ASIC2: variants seen among roughly 807,000 people sequenced by gnomAD.
ASIC2 encodes acid sensing ion channel subunit 2, also known as acid-sensing ion channel 2.
Under a neutral mutation model 57.3 loss-of-function variants are expected in ASIC2, and 25 were observed. That is an observed-to-expected ratio of 0.44 (90% CI 0.32 to 0.61). The LOEUF is 0.61. Among genes scored for constraint, ASIC2 ranks in the 20% least tolerant of loss-of-function variants. ASIC2 has a pLI of 0.06. For missense variants in ASIC2, 641 were observed against 738.1 expected, an observed-to-expected ratio of 0.87 and a Z score of 1.52; for synonymous variants, 319 against 307.5, an observed-to-expected ratio of 1.04 and a Z score of -0.39.
At chr17:34,115,927 G>T (rs1404237451) in intron 1 of ASIC2, among the ~76,000 whole-genome samples, 1 of 152,160 alleles carries the variant, frequency 6.6e-6, no homozygotes, top group African/African-American at 2.4e-5. Flanking sequence ...TGGGGAGAAG[G>T]CTGATGGGAT....
At chr17:33,589,399 T>G (rs1904754783) in intron 1 of ASIC2, among the ~76,000 whole-genome samples, 1 of 152,208 alleles carries the variant, frequency 6.6e-6, no homozygotes, top group South Asian at 2.1e-4. Flanking sequence ...ACCATTCTTA[T>G]GTGTATCATT....
At chr17:33,636,713 C>T (rs908008280) in intron 1 of ASIC2, among the ~76,000 whole-genome samples, 7 of 152,184 alleles carry the variant, frequency 4.6e-5, no homozygotes, top group Non-Finnish European at 8.8e-5. Flanking sequence ...AAGTCTTTAT[C>T]TGGATATGCA....
chr17:33,305,813 C>T (rs1906148513), intron 1 of ASIC2, among the ~76,000 whole-genome samples: 1 of 152,174 alleles, frequency 6.6e-6, no homozygotes, highest in South Asian at 2.1e-4. Context: ...TTCTTGGACA[C>T]ATTGGCTATT....
At chr17:33,981,706 A>G (rs1407423662) in intron 1 of ASIC2, among the ~76,000 whole-genome samples, 1 of 151,964 alleles carries the variant, frequency 6.6e-6, no homozygotes, top group African/African-American at 2.4e-5. Context: ...GAGGGGGGGA[A>G]GATTAGCTAA....
chr17:34,100,960 T>C (rs890510837), intron 1 of ASIC2, among the ~76,000 whole-genome samples: 1 of 152,248 alleles, frequency 6.6e-6, no homozygotes, highest in Non-Finnish European at 1.5e-5. Context: ...TTAACTTCTT[T>C]GTCCCTCAGT....
At chr17:33,786,179 G>A (rs917056748) in intron 1 of ASIC2, among the ~76,000 whole-genome samples, 3 of 152,134 alleles carry the variant, frequency 2.0e-5, no homozygotes, top group Non-Finnish European at 4.4e-5. Context: ...AAACTTGTTT[G>A]ACTAACTGGC....
At chr17:33,690,089 A>AT (rs1157838108) in intron 1 of ASIC2, among the ~76,000 whole-genome samples, 2 of 152,144 alleles carry the variant, frequency 1.3e-5, no homozygotes, top group Non-Finnish European at 1.5e-5. Flanking sequence ...AGGTATATAT[A>AT]TTTTTTCCAC....
intron 1 of ASIC2, among the ~76,000 whole-genome samples, chr17:33,472,893 C>A (rs566100021): frequency 6.6e-6 from 1 of 152,240 alleles, no homozygotes; most frequent in African/African-American, 2.4e-5. Context: ...ATCCTGGCCT[C>A]AAAACTGTGG....
At chr17:33,371,071 GT>G (rs1909043415) in intron 1 of ASIC2, among the ~76,000 whole-genome samples, 2 of 152,154 alleles carry the variant, frequency 1.3e-5, no homozygotes, top group African/African-American at 4.8e-5. Flanking sequence ...TATCACAAGG[GT>G]TTGTGATAAA....
intron 1 of ASIC2, among the ~76,000 whole-genome samples, chr17:33,623,736 G>C (rs139740803): frequency 6.6e-6 from 1 of 152,154 alleles, no homozygotes; most frequent in African/African-American, 2.4e-5. Context: ...TTTTCATTCT[G>C]TTTGTAGTCA....
At chr17:33,970,696 C>T (rs1905203795) in intron 1 of ASIC2, among the ~76,000 whole-genome samples, 1 of 152,196 alleles carries the variant, frequency 6.6e-6, no homozygotes, top group Non-Finnish European at 1.5e-5. Flanking sequence ...GAGTTGTAAG[C>T]ACTCATTGAG....
intron 3 of ASIC2, among the ~76,000 whole-genome samples, chr17:33,037,564 T>C (rs1490961215): frequency 6.6e-6 from 1 of 151,872 alleles, no homozygotes; most frequent in African/African-American, 2.4e-5. Flanking sequence ...TGTCTGAAAG[T>C]GGGTTGGAGT....
intron 1 of ASIC2, among the ~76,000 whole-genome samples, chr17:33,602,515 C>G (rs1160106044): frequency 6.6e-6 from 1 of 152,176 alleles, no homozygotes; most frequent in Non-Finnish European, 1.5e-5. Context: ...CTTGGACTTT[C>G]CAGCTTCTGG....
upstream of ASIC2, among the ~76,000 whole-genome samples, chr17:33,293,975 G>A (rs1019984789): frequency 6.6e-6 from 1 of 152,026 alleles, no homozygotes. Flanking sequence ...GAGGCATTGC[G>A]AGCAGGGTAG....
chr17:33,837,596 G>C (rs1913310989), intron 1 of ASIC2, among the ~76,000 whole-genome samples: 1 of 152,074 alleles, frequency 6.6e-6, no homozygotes, highest in South Asian at 2.1e-4. Flanking sequence ...TCTCCTAAAT[G>C]CCTCTCTACT....
At chr17:33,514,920 C>T (rs959026372) in intron 1 of ASIC2, among the ~76,000 whole-genome samples, 2 of 152,206 alleles carry the variant, frequency 1.3e-5, no homozygotes, top group Non-Finnish European at 2.9e-5. Flanking sequence ...GGAAGCAGGA[C>T]CTCGGTCCTT....
intron 1 of ASIC2, among the ~76,000 whole-genome samples, chr17:33,177,172 C>T (rs1018066775): frequency 1.1e-4 from 16 of 152,072 alleles, no homozygotes; most frequent in Non-Finnish European, 2.1e-4. Flanking sequence ...AAGGGAAGTC[C>T]CCAATCCTTG....
At chr17:33,269,671 C>CTTCCTTCTTTCCTTTTTCTAGT (rs1567805227) in intron 1 of ASIC2, among the ~76,000 whole-genome samples, 1 of 72,856 alleles carries the variant, frequency 1.4e-5, no homozygotes, top group Non-Finnish European at 3.0e-5. Flanking sequence ...TCCTTCCTTC[C>CTTCCTTCTTTCCTTTTTCTAGT]TTCCCTCCCT....
At chr17:33,079,716 G>T (rs2092104792) in intron 3 of ASIC2, among the ~76,000 whole-genome samples, 1 of 152,142 alleles carries the variant, frequency 6.6e-6, no homozygotes, top group African/African-American at 2.4e-5. Context: ...TGGGGTGGGG[G>T]ATAATAACAG....
Sources: gnomAD v4.1 joint callset for allele counts (sites outside exome capture counted in the v4.1 genomes callset) on GRCh38, gnomAD v4.1.1 for gene constraint, MANE v1.5 for transcripts, NCBI Gene and HGNC (gene_info 2026-07-23, HGNC 2026-07-21) for gene names.